CBFA2T2: variants seen among roughly 807,000 people sequenced by gnomAD.
CBFA2T2 encodes protein CBFA2T2.
In CBFA2T2, 11 loss-of-function variants were observed where a neutral mutation model predicts 62.2. The observed-to-expected ratio is 0.18, with a 90% CI of 0.11 to 0.29. CBFA2T2 has a LOEUF of 0.29. CBFA2T2 is among the 10% of genes least tolerant of loss of function. The probability of loss-of-function intolerance (pLI) is 1.00; values close to 1 mark genes in which losing one functional copy is unlikely to be tolerated. For missense variants in CBFA2T2, 592 were observed against 774.1 expected, an observed-to-expected ratio of 0.76 and a Z score of 2.79; for synonymous variants, 295 against 287.5, an observed-to-expected ratio of 1.03 and a Z score of -0.27.
Position 33,514,526 on chromosome 20 carries a change from A to T in CBFA2T2, c.34+24225A>T, listed in dbSNP as rs543984460. 1.0e-3 allele frequency among the ~76,000 whole-genome samples: 158 copies of T among 152,080 alleles called. 1 individual carries two copies. The highest frequency in any genetic ancestry group is 3.7e-3 in the African/African-American group (155 of 41,508). ...CCAAGGAGGCTAGCATGGCTGGAGC[A>T]GGGGATGGAGCGAAAAGCTGATGTC... On this transcript the variant is annotated intron_variant, in intron 1 of 10. Transcript: ENST00000342704.
At chr20:33,541,201 G>C (rs1430748817) in intron 1 of CBFA2T2, among the ~76,000 whole-genome samples, 2 of 152,186 alleles carry the variant, frequency 1.3e-5, no homozygotes, top group African/African-American at 4.8e-5. Flanking sequence ...TCAGGAACTA[G>C]ATCTAGCATT....
At chr20:33,538,831 T>A (rs1259864124) in intron 1 of CBFA2T2, among the ~76,000 whole-genome samples, 1 of 152,164 alleles carries the variant, frequency 6.6e-6, no homozygotes, top group Non-Finnish European at 1.5e-5. Flanking sequence ...GTCTTAGATA[T>A]TATCATATTG....
At chr20:33,534,928 G>A (rs1281067511) in intron 1 of CBFA2T2, among the ~76,000 whole-genome samples, 2 of 151,992 alleles carry the variant, frequency 1.3e-5, no homozygotes, top group African/African-American at 2.4e-5. Flanking sequence ...GTGAAATGTC[G>A]CAAAAATTAC....
rs573257711 is a variant in CBFA2T2, at chr20:33,575,827, G to T, written c.35-31129G>T. ...GAGTCTCAGTCTGTCGCCCAGGCTGGAGTGCAGTGGCGCGATCTCAGCTCA... is the reference window on the plus strand; with the variant it reads ...GAGTCTCAGTCTGTCGCCCAGGCTGTAGTGCAGTGGCGCGATCTCAGCTCA... On this transcript the variant is annotated intron_variant, in intron 1 of 10. Transcript: ENST00000342704. Among the ~76,000 whole-genome samples, 9 of 152,180 alleles carry T rather than the reference G, an allele frequency of 5.9e-5. No homozygotes were observed. In the East Asian group the frequency reaches 1.5e-3, roughly 26 times the overall value.
chr20:33,624,743 G>T (rs111786232), intron 5 of CBFA2T2, 21 bp from the exon 6 acceptor site: 2 of 1,612,434 alleles, frequency 1.2e-6, no homozygotes, highest in Non-Finnish European at 8.5e-7. Context: ...GATCAGATAC[G>T]CACTTCTGCT....
chr20:33,588,111 A>G (rs535973773), intron 1 of CBFA2T2, among the ~76,000 whole-genome samples: 6 of 152,340 alleles, frequency 3.9e-5, no homozygotes, highest in African/African-American at 9.6e-5. Context: ...AAAAAGCTGT[A>G]CATATTTAAC....
At position 33,644,794 on chromosome 20, in the gene CBFA2T2, AC is replaced by A; in HGVS notation, c.*152del. The stretch of plus-strand genomic sequence containing the variant: ...GAAGAGTCCAAGCCTGAATAATAAC[AC>A]CCCACAGCCTCTCTGTGCACTTGCT... On this transcript the variant is annotated 3_prime_UTR_variant, in exon 11 of 11. Coordinates refer to ENST00000342704, the MANE Select transcript of CBFA2T2 (RefSeq NM_001032999.3). 1.3e-6 allele frequency: 1 copy of A among 783,916 alleles called. No homozygotes were observed. Among genetic ancestry groups the A allele is most frequent in the Non-Finnish European group, 2.0e-6 (1 of 502,678 alleles). 48.6% of individuals were successfully genotyped at this position (783,916 alleles called of 1,614,324 possible). A position where few individuals can be genotyped will look rare whatever the true frequency, so the allele number is the denominator to read the frequency against.
At chr20:33,544,246 T>C (rs917302979) in intron 1 of CBFA2T2, among the ~76,000 whole-genome samples, 1 of 152,174 alleles carries the variant, frequency 6.6e-6, no homozygotes, top group Non-Finnish European at 1.5e-5. Flanking sequence ...CCTACTACTT[T>C]TCAGCTTCAG....
At position 33,564,398 on chromosome 20, in the gene CBFA2T2, T is replaced by G. The variant is rs2013209719; in HGVS notation, c.35-42558T>G. On this transcript the variant is annotated intron_variant, in intron 1 of 10. Transcript: ENST00000342704. ...CCTCAGCCTCCCAAGTAGCTGGGAG[T>G]ATAGGCGTGCCACCATGCCTGGCTA... 2.6e-5 allele frequency among the ~76,000 whole-genome samples: 4 copies of G among 151,200 alleles called. No individual in the cohort carries two copies. The Admixed American group carries it at 2.6e-4, about 10-fold the overall frequency.
intron 1 of CBFA2T2, among the ~76,000 whole-genome samples, chr20:33,601,222 C>G (rs1314154655): frequency 6.6e-6 from 1 of 151,350 alleles, no homozygotes; most frequent in Non-Finnish European, 1.5e-5. Flanking sequence ...GCCTGAGAGT[C>G]TGATTTTTGT....
rs756365179 is a variant in CBFA2T2 at position 33,611,303 on chromosome 20, G to A, written c.388G>A (p.Glu130Lys). 1.2e-6 allele frequency: 2 copies of A among 1,614,196 alleles called. No individual in the cohort carries two copies. Among genetic ancestry groups the A allele is most frequent in the Non-Finnish European group, 1.7e-6 (2 of 1,180,034 alleles). ...CAATGACATCTCCCCTGAGATTGGG[G>A]AGAAGGTGCGGACTCTTGTTCTTGC... ...FGNDISPEIG[E>K]KVRTLVLALV... Residue 130 changes from glutamate to lysine, a missense_variant, in exon 3 of 11, where the codon GAG becomes AAG. Physicochemically the swap from Glu to Lys is moderately conservative, Grantham distance 56 (BLOSUM62 1). This residue lies in a region of CBFA2T2 where 449 missense variants were observed against 551.2 expected (regional missense o/e 0.81). Transcript: ENST00000342704.
chr20:33,549,880 T>C (rs1189830229), intron 1 of CBFA2T2, among the ~76,000 whole-genome samples: 1 of 151,404 alleles, frequency 6.6e-6, no homozygotes, highest in Non-Finnish European at 1.5e-5. Flanking sequence ...TTTTTTTTTT[T>C]TCTCTAAATC....
chr20:33,632,467 A>G (rs187773778), intron 8 of CBFA2T2, among the ~76,000 whole-genome samples: 203 of 148,630 alleles, frequency 1.4e-3, no homozygotes, highest in African/African-American at 4.9e-3. Flanking sequence ...AATTTCACCA[A>G]TGACTTTTTT....
intron 1 of CBFA2T2, among the ~76,000 whole-genome samples, chr20:33,596,504 T>A (rs868803552): frequency 6.6e-6 from 1 of 152,228 alleles, no homozygotes; most frequent in Non-Finnish European, 1.5e-5. Context: ...CCCGGTAGAT[T>A]ATACTCTTTA....
At chr20:33,550,624 T>C (rs2012713725) in intron 1 of CBFA2T2, among the ~76,000 whole-genome samples, 2 of 151,892 alleles carry the variant, frequency 1.3e-5, no homozygotes, top group African/African-American at 4.8e-5. Context: ...TATTTATTTA[T>C]TTATTTATTT....
intron 1 of CBFA2T2, among the ~76,000 whole-genome samples, chr20:33,503,208 A>G (rs2011325754): frequency 6.6e-6 from 1 of 151,440 alleles, no homozygotes; most frequent in Non-Finnish European, 1.5e-5. Context: ...ACACACATAC[A>G]TATACACATA....
chr20:33,590,723 G>T (rs768595453), intron 1 of CBFA2T2, among the ~76,000 whole-genome samples: 11 of 152,056 alleles, frequency 7.2e-5, no homozygotes, highest in Non-Finnish European at 1.0e-4. Flanking sequence ...TCTTTGCTTC[G>T]TGCTACTCCT....
At chr20:33,577,967 A>G (rs1050020129) in intron 1 of CBFA2T2, among the ~76,000 whole-genome samples, 6 of 152,162 alleles carry the variant, frequency 3.9e-5, no homozygotes, top group South Asian at 2.1e-4. Context: ...CCTGACTTGT[A>G]TTTATCCTTC....
At chr20:33,610,630 A>G (rs1216944883) in intron 2 of CBFA2T2, among the ~76,000 whole-genome samples, 1 of 152,118 alleles carries the variant, frequency 6.6e-6, no homozygotes, top group African/African-American at 2.4e-5. Flanking sequence ...AATATCCCTC[A>G]TATTATCATA....
Sources: allele counts gnomAD v4.1 joint callset (sites outside exome capture counted in the v4.1 genomes callset), GRCh38; gene constraint gnomAD v4.1.1; regional missense constraint gnomAD v4.1.1; transcripts MANE v1.5; gene names NCBI Gene and HGNC (gene_info 2026-07-23, HGNC 2026-07-21).